The following SLC12A9 variants were observed in gnomAD, a reference collection of about 807,000 sequenced individuals.
SLC12A9 encodes the protein solute carrier family 12 member 9.
Under a neutral mutation model 66.0 loss-of-function variants are expected in SLC12A9, and 55 were observed. The ratio of observed to expected loss-of-function variants is 0.83; its 90% CI spans 0.67 to 1.04. SLC12A9 has a LOEUF of 1.04. SLC12A9 is among the 50% of genes least tolerant of loss of function. The pLI, the probability that SLC12A9 is intolerant of heterozygous loss-of-function variation, is 0.00. For synonymous variants in SLC12A9, 577 were observed against 569.0 expected, an observed-to-expected ratio of 1.01 and a Z score of -0.20; for missense variants, 1,061 against 1,241.9, an observed-to-expected ratio of 0.85 and a Z score of 2.19.
intron 3 of SLC12A9, among the ~76,000 whole-genome samples, chr7:100,855,140 G>T (rs1415675923): frequency 6.6e-6 from 1 of 152,150 alleles, no homozygotes; most frequent in Non-Finnish European, 1.5e-5. Flanking sequence ...CTCCAACCTG[G>T]GCAACAGAGC....
rs1279106761 is a variant in SLC12A9, at chr7:100,861,686, G to GGCTGT, written c.1537-48_1537-44dup. On this transcript the variant is annotated intron_variant, in intron 11 of 13. Transcript: ENST00000354161. This position sits in a 1 kb window ranked among gnomAD's most constrained non-coding sequence, Gnocchi z 5.3. ...CTCCCGTCCAGGAGGCGCTGAACGG[G>GGCTGT]GCTGTGCATTTGATCCTGCCACTTC... 6.2e-7 allele frequency: 1 copy of GGCTGT among 1,613,040 alleles called. No individual in the cohort carries two copies. The highest frequency in any genetic ancestry group is 2.2e-5 in the East Asian group (1 of 44,870).
intron 13 of SLC12A9, among the ~76,000 whole-genome samples, chr7:100,864,672 G>A (rs17162518): frequency 0.096 from 14,560 of 152,182 alleles, 1,239 homozygotes; most frequent in African/African-American, 0.22. Context: ...GGATGGAGGC[G>A]GATTGCGTTG....
At chr7:100,843,589 G>A (rs1813832958) in intron 1 of SLC12A9, among the ~76,000 whole-genome samples, 1 of 152,218 alleles carries the variant, frequency 6.6e-6, no homozygotes, top group South Asian at 2.1e-4. Context: ...AACTAGACAA[G>A]GTTTCCAAAG....
intron 1 of SLC12A9, chr7:100,853,256 C>G (rs940711910): frequency 6.6e-6 from 1 of 152,016 alleles, no homozygotes; most frequent in Non-Finnish European, 1.5e-5. Context: ...CTCTCCTGCC[C>G]GTAACTTACT....
At chr7:100,843,516 CAGTT>C (rs1315999401) in intron 1 of SLC12A9, among the ~76,000 whole-genome samples, 4 of 152,196 alleles carry the variant, frequency 2.6e-5, no homozygotes, top group African/African-American at 9.6e-5. Context: ...GAAAAAAAGG[CAGTT>C]AGAGTTTTAA....
chr7:100,835,101 A>G (rs1436121316), intron 1 of SLC12A9, among the ~76,000 whole-genome samples: 2 of 152,230 alleles, frequency 1.3e-5, no homozygotes, highest in Non-Finnish European at 2.9e-5. Context: ...CACGCCTGTA[A>G]TCCCAGCACT....
upstream of SLC12A9, among the ~76,000 whole-genome samples, chr7:100,848,083 CAAAA>C (rs36071720): frequency 1.4e-4 from 6 of 43,920 alleles, no homozygotes; most frequent in East Asian, 7.6e-4. Context: ...GACTCCATCT[CAAAA>C]AAAAAAAAAA....
chr7:100,847,726 G>A (rs1261949212), upstream of SLC12A9, among the ~76,000 whole-genome samples: 2 of 152,040 alleles, frequency 1.3e-5, no homozygotes, highest in African/African-American at 2.4e-5. Context: ...AGGAGCAGGT[G>A]GTGGGAGTTT....
intron 4 of SLC12A9, 94 bp downstream of exon 4, chr7:100,855,931 A>G (rs1814363798): frequency 4.7e-6 from 7 of 1,494,560 alleles, no homozygotes; most frequent in Non-Finnish European, 4.4e-6. Context: ...GCAGAGGGGC[A>G]GACTGAGCCA....
exon 1 of SLC12A9, chr7:100,826,953 G>GCCC: frequency 6.6e-7 from 1 of 1,510,746 alleles, no homozygotes; most frequent in African/African-American, 1.5e-5. Flanking sequence ...GTGACGGGGT[G>GCCC]CGCCCCCCCC....
At chr7:100,829,529 G>C (rs1276691838) in intron 1 of SLC12A9, among the ~76,000 whole-genome samples, 1 of 152,036 alleles carries the variant, frequency 6.6e-6, no homozygotes, top group African/African-American at 2.4e-5. Context: ...GGGTGGGCCG[G>C]TCACCGAGGG....
intron 1 of SLC12A9, among the ~76,000 whole-genome samples, chr7:100,828,601 G>T (rs1241777626): frequency 6.6e-6 from 1 of 151,580 alleles, no homozygotes; most frequent in Non-Finnish European, 1.5e-5. Flanking sequence ...GAGGGTGAGG[G>T]GTCCGGCTAG....
intron 1 of SLC12A9, among the ~76,000 whole-genome samples, chr7:100,846,112 T>C (rs1813906481): frequency 6.6e-6 from 1 of 152,232 alleles, no homozygotes; most frequent in Non-Finnish European, 1.5e-5. Context: ...CTGGCACATG[T>C]GCCTAGGCAA....
intron 1 of SLC12A9, among the ~76,000 whole-genome samples, chr7:100,840,677 GAGAGA>G (rs771159810): frequency 6.6e-6 from 1 of 151,358 alleles, no homozygotes; most frequent in Non-Finnish European, 1.5e-5. Flanking sequence ...AATGCAGAGA[GAGAGA>G]AGAGACAGAG....
intron 1 of SLC12A9, among the ~76,000 whole-genome samples, chr7:100,846,333 G>A (rs923791132): frequency 2.6e-5 from 4 of 152,188 alleles, no homozygotes; most frequent in African/African-American, 4.8e-5. Flanking sequence ...TTGGGAGGCC[G>A]AGGCGGGTGG....
upstream of SLC12A9, among the ~76,000 whole-genome samples, chr7:100,851,527 G>A (rs1444817003): frequency 6.7e-6 from 1 of 150,060 alleles, no homozygotes; most frequent in East Asian, 2.0e-4. Flanking sequence ...AGGTTCAAGC[G>A]ATCCTCCTGC....
intron 1 of SLC12A9, among the ~76,000 whole-genome samples, chr7:100,833,238 C>T (rs982179753): frequency 1.3e-5 from 2 of 151,850 alleles, no homozygotes; most frequent in Non-Finnish European, 2.9e-5. Flanking sequence ...AATCTTAGCA[C>T]TTTGGGAGGC....
chr7:100,846,223 C>G (rs1229706707), intron 1 of SLC12A9, among the ~76,000 whole-genome samples: 1 of 152,200 alleles, frequency 6.6e-6, no homozygotes, highest in African/African-American at 2.4e-5. Flanking sequence ...GTAATAGGAA[C>G]CTGCTTACTG....
At chr7:100,856,811 C>G (rs894715233) in intron 4 of SLC12A9, 57 bp from the exon 5 acceptor site, 4 of 1,484,728 alleles carry the variant, frequency 2.7e-6, no homozygotes, top group Non-Finnish European at 3.6e-6. Flanking sequence ...CCACCATGCC[C>G]GGCTGGTGGG....
Sources: allele counts gnomAD v4.1 joint callset (sites outside exome capture counted in the v4.1 genomes callset), GRCh38; gene constraint gnomAD v4.1.1; non-coding constraint Gnocchi (gnomAD v3.1); transcripts MANE v1.5; gene names NCBI Gene and HGNC (gene_info 2026-07-23, HGNC 2026-07-21).